Variants in WWP1 observed in about 807,000 individuals in gnomAD.
WWP1 encodes WW domain containing E3 ubiquitin protein ligase 1.
In WWP1, 49 loss-of-function variants were observed where a neutral mutation model predicts 130.6. The observed-to-expected ratio is 0.38, with a 90% CI of 0.30 to 0.48. The LOEUF (loss-of-function observed/expected upper bound fraction) is 0.48, where lower values mean the gene tolerates loss of function less well. WWP1 is among the 20% of genes least tolerant of loss of function. WWP1 has a pLI of 0.99. For missense variants in WWP1, 809 were observed against 1,100.6 expected (o/e 0.74, Z 3.75); for synonymous variants, 332 against 367.8 (o/e 0.90, Z 1.11).
At chr8:86,361,025 A>G (rs1452658518) in intron 1 of WWP1, among the ~76,000 whole-genome samples, 1 of 152,216 alleles carries the variant, frequency 6.6e-6, no homozygotes, top group East Asian at 1.9e-4. Flanking sequence ...AGGTGGGGCA[A>G]CAGATCACAT....
chr8:86,431,017 G>T (rs1809931776), intron 12 of WWP1, among the ~76,000 whole-genome samples: 3 of 133,370 alleles, frequency 2.2e-5, no homozygotes, highest in Admixed American at 8.0e-5. Flanking sequence ...TATATTATAA[G>T]GGATATATAT....
In WWP1 at chr8:86,442,722, A is replaced by G; in HGVS notation, c.1942A>G (p.Thr648Ala). ...TTGTCTGCAGATAAATCCAGCATCAACCATTAATCCAGACCATCTTTCATA... is the reference window on the plus strand; with the variant it reads ...TTGTCTGCAGATAAATCCAGCATCAGCCATTAATCCAGACCATCTTTCATA... ...NYCLQINPAS[T>A]INPDHLSYFC... Residue 648 changes from threonine to alanine, a missense_variant, in exon 18 of 25, where the codon ACC becomes GCC. Physicochemically the swap from Thr to Ala is moderately conservative, Grantham distance 58. This residue lies in a region of WWP1 where 450 missense variants were observed against 674.2 expected (regional missense o/e 0.67). Transcript: ENST00000517970. 1 of 1,612,978 alleles carries G rather than the reference A, an allele frequency of 6.2e-7. No individual in the cohort carries two copies. Among genetic ancestry groups the G allele is most frequent in the East Asian group, 2.2e-5 (1 of 44,816 alleles).
rs1811550936 is a variant in WWP1, at chr8:86,457,981, C to T, written c.2455C>T (p.Arg819Ter). 2.5e-6 allele frequency: 4 copies of T among 1,612,342 alleles called. No individual in the cohort carries two copies. Among genetic ancestry groups the T allele is most frequent in the South Asian group, 1.1e-5 (1 of 90,960 alleles). The change falls in exon 22 of 25, where the codon CGA becomes TGA. Residue 819 changes from arginine (R) to a stop codon, truncating the protein, a stop_gained. Transcript: ENST00000517970. LOFTEE classifies it high-confidence loss of function. ...AGATTGGCAGAGAAATACTGTTTATCGACATTATACAAGAAACAGCAAGCA... is the reference window on the plus strand; with the variant it reads ...AGATTGGCAGAGAAATACTGTTTATTGACATTATACAAGAAACAGCAAGCA... ...LADWQRNTVYRHYTRNSKQII... is the reference protein window; with the variant it reads ...LADWQRNTVY
chr8:86,350,495 A>G (rs1033828996), intron 1 of WWP1, among the ~76,000 whole-genome samples: 3 of 151,876 alleles, frequency 2.0e-5, no homozygotes, highest in African/African-American at 7.3e-5. Context: ...TCTCTTTGCA[A>G]ATTTCTGAAA....
intron 22 of WWP1, among the ~76,000 whole-genome samples, chr8:86,460,618 A>T (rs1437555809): frequency 6.6e-6 from 1 of 152,020 alleles, no homozygotes; most frequent in Non-Finnish European, 1.5e-5. Flanking sequence ...TACATAAATG[A>T]CTTAACCTTT....
At chr8:86,415,027 A>T (rs1464062323) in intron 9 of WWP1, among the ~76,000 whole-genome samples, 2 of 151,982 alleles carry the variant, frequency 1.3e-5, no homozygotes, top group African/African-American at 4.8e-5. Flanking sequence ...TCCAGTTGAT[A>T]TATGTACCTC....
At chr8:86,440,808 C>T (rs1810555369) in intron 17 of WWP1, 1 of 375,040 alleles carries the variant, frequency 2.7e-6, no homozygotes, top group Non-Finnish European at 5.2e-6. Flanking sequence ...TGCACTTTTC[C>T]ATTTTATTTT....
At chr8:86,369,835 A>G (rs1032743462) in intron 2 of WWP1, among the ~76,000 whole-genome samples, 1 of 152,098 alleles carries the variant, frequency 6.6e-6, no homozygotes, top group Non-Finnish European at 1.5e-5. Context: ...GGCCCCAGTA[A>G]TTACACTTGA....
At chr8:86,427,564 T>G (rs1480444451) in intron 10 of WWP1, 79 bp from the exon 11 acceptor site, 1 of 1,420,594 alleles carries the variant, frequency 7.0e-7, no homozygotes, top group African/African-American at 1.4e-5. Flanking sequence ...AACTTGATAT[T>G]TAAATTGAGT....
intron 14 of WWP1, among the ~76,000 whole-genome samples, chr8:86,433,618 A>G (rs1430019845): frequency 6.6e-6 from 1 of 151,968 alleles, no homozygotes; most frequent in Non-Finnish European, 1.5e-5. Context: ...GTCACAGTTG[A>G]TAACTCCACT....
chr8:86,418,208 G>T (rs1808995989), intron 9 of WWP1, among the ~76,000 whole-genome samples: 1 of 152,120 alleles, frequency 6.6e-6, no homozygotes, highest in African/African-American at 2.4e-5. Flanking sequence ...TGTCTGTGTG[G>T]CAGGCTCTGT....
intron 3 of WWP1, among the ~76,000 whole-genome samples, chr8:86,374,988 G>T (rs1824546037): frequency 6.6e-6 from 1 of 152,060 alleles, no homozygotes; most frequent in Non-Finnish European, 1.5e-5. Flanking sequence ...GAGCCACTGT[G>T]CCTGGCCTGT....
chr8:86,454,287 A>AT (rs1213148194), intron 21 of WWP1, among the ~76,000 whole-genome samples: 2 of 151,988 alleles, frequency 1.3e-5, no homozygotes, highest in Non-Finnish European at 2.9e-5. Context: ...TATATTTTTA[A>AT]TTTTTTTATT....
intron 8 of WWP1, among the ~76,000 whole-genome samples, chr8:86,404,874 T>G (rs1170667806): frequency 2.6e-5 from 4 of 152,212 alleles, no homozygotes. Context: ...TTCATTTTGA[T>G]GTGTGTGGTT....
chr8:86,430,055 C>T (rs560859658), intron 11 of WWP1, among the ~76,000 whole-genome samples: 9 of 151,914 alleles, frequency 5.9e-5, no homozygotes, highest in East Asian at 3.9e-4. Context: ...AAATATTAGC[C>T]GGGTGTGGTG....
intron 9 of WWP1, among the ~76,000 whole-genome samples, chr8:86,424,049 G>A (rs574508905): frequency 2.9e-4 from 44 of 150,192 alleles, no homozygotes; most frequent in African/African-American, 9.8e-4. Context: ...CTTCCCAGAC[G>A]GGGCGGCTGC....
At chr8:86,361,991 T>TAC (rs1179254223) in intron 1 of WWP1, among the ~76,000 whole-genome samples, 9 of 128,184 alleles carry the variant, frequency 7.0e-5, no homozygotes, top group Non-Finnish European at 1.2e-4. Flanking sequence ...TATATATATA[T>TAC]ACATATATAT....
At chr8:86,366,015 T>TAACG (rs1823946537) in intron 1 of WWP1, among the ~76,000 whole-genome samples, 1 of 152,206 alleles carries the variant, frequency 6.6e-6, no homozygotes, top group African/African-American at 2.4e-5. Flanking sequence ...TTTCTTGACA[T>TAACG]AACGTATGTG....
intron 9 of WWP1, among the ~76,000 whole-genome samples, chr8:86,412,423 T>G (rs923766702): frequency 2.0e-5 from 3 of 152,210 alleles, no homozygotes; most frequent in African/African-American, 7.2e-5. Context: ...ATATGTGTAT[T>G]CCATTCGGTA....
Sources: gnomAD v4.1 joint callset for allele counts (sites outside exome capture counted in the v4.1 genomes callset) on GRCh38, gnomAD v4.1.1 for gene constraint, gnomAD v4.1.1 regional missense constraint, MANE v1.5 for transcripts, NCBI Gene and HGNC (gene_info 2026-07-23, HGNC 2026-07-21) for gene names.